The following SRGAP1 variants were observed in gnomAD, a reference collection of about 807,000 sequenced individuals.
SRGAP1 encodes SLIT-ROBO Rho GTPase activating protein 1.
In SRGAP1, 43 loss-of-function variants were observed where a neutral mutation model predicts 121.9. The ratio of observed to expected loss-of-function variants is 0.35; its 90% CI spans 0.28 to 0.46. SRGAP1 has a LOEUF of 0.46. SRGAP1 is among the 20% of genes least tolerant of loss of function. SRGAP1 has a pLI of 1.00. For synonymous variants in SRGAP1, 447 were observed against 485.4 expected (o/e 0.92, Z 1.04); for missense variants, 1,102 against 1,350.9 (o/e 0.82, Z 2.89).
At chr12:63,923,213 A>C (rs2031134022) in intron 1 of SRGAP1, among the ~76,000 whole-genome samples, 1 of 152,210 alleles carries the variant, frequency 6.6e-6, no homozygotes, top group African/African-American at 2.4e-5. Context: ...TTATTGCCCT[A>C]AAGTTGGATC....
Position 64,098,646 on chromosome 12 carries a change from G to A in SRGAP1, c.1813+1271G>A, listed in dbSNP as rs570190382. On this transcript the variant is annotated intron_variant, in intron 15 of 21. Transcript: ENST00000355086. The stretch of plus-strand genomic sequence containing the variant: ...GATCGTGCCACTGCACTCCAGCCTC[G>A]GTGACAGAGCAAGACTCTGTCTCAA... Among the ~76,000 whole-genome samples, 11 of 151,686 alleles carry A rather than the reference G, an allele frequency of 7.3e-5. No individual in the cohort carries two copies. In the East Asian group the frequency reaches 1.6e-3, roughly 21 times the overall value.
At chr12:63,890,371 A>C (rs1005389783) in intron 1 of SRGAP1, among the ~76,000 whole-genome samples, 1 of 152,184 alleles carries the variant, frequency 6.6e-6, no homozygotes. Flanking sequence ...TAAAGTGTCT[A>C]CTTTTCCCTC....
chr12:63,880,493 G>A (rs964782678), intron 1 of SRGAP1, among the ~76,000 whole-genome samples: 4 of 152,034 alleles, frequency 2.6e-5, no homozygotes, highest in Admixed American at 1.3e-4. Flanking sequence ...ATCGGCCTCC[G>A]AAAGTGCTGG....
Position 64,023,201 on chromosome 12 carries a change from T to A in SRGAP1, c.489+6189T>A, listed in dbSNP as rs1165635390. Among the ~76,000 whole-genome samples the A allele has an allele frequency of 2.0e-3, 174 of 87,468 alleles. 1 individual carries two copies. Among genetic ancestry groups the A allele is most frequent in the Non-Finnish European group, 2.5e-3 (119 of 47,170 alleles). 57.4% of individuals were successfully genotyped at this position (87,468 alleles called of 152,430 possible). ...TTATGATGAATATATGTTACTTTTG[T>A]ACCAAAAAAAAAAAAAAAAAAAAAA... On this transcript the variant is annotated intron_variant, in intron 4 of 21. Transcript: ENST00000355086.
chr12:64,010,390 C>G (rs1328532484), intron 3 of SRGAP1, among the ~76,000 whole-genome samples: 1 of 152,120 alleles, frequency 6.6e-6, no homozygotes, highest in Non-Finnish European at 1.5e-5. Flanking sequence ...TCCCTCCTTT[C>G]TGGGAGGTTC....
chr12:63,988,884 C>T (rs1272272789), intron 2 of SRGAP1, among the ~76,000 whole-genome samples: 2 of 152,140 alleles, frequency 1.3e-5, no homozygotes, highest in African/African-American at 2.4e-5. Context: ...AATCTCGGCT[C>T]GCTGCAACCT....
chr12:64,097,587 T>G, intron 15 of SRGAP1: 1 of 420,012 alleles, frequency 2.4e-6, no homozygotes, highest in Non-Finnish European at 4.1e-6. Context: ...CTCCTGAACA[T>G]CCTCTGGCTC....
chr12:63,922,722 T>C (rs1016148949), intron 1 of SRGAP1, among the ~76,000 whole-genome samples: 3 of 152,232 alleles, frequency 2.0e-5, no homozygotes, highest in African/African-American at 7.2e-5. Flanking sequence ...CATTGTTGCA[T>C]GGGAGGCATC....
intron 4 of SRGAP1, among the ~76,000 whole-genome samples, chr12:64,026,483 C>T (rs575994047): frequency 1.8e-4 from 27 of 148,000 alleles, no homozygotes; most frequent in Middle Eastern, 6.8e-3. Flanking sequence ...TCTTAACTCA[C>T]TGGCATAGTT....
intron 21 of SRGAP1, among the ~76,000 whole-genome samples, chr12:64,137,037 A>G (rs1224273936): frequency 6.6e-6 from 1 of 152,040 alleles, no homozygotes; most frequent in African/African-American, 2.4e-5. Context: ...GCTGAGGCGC[A>G]TGGATCACTT....
chr12:63,906,024 C>T lies in SRGAP1; in HGVS notation c.67+61141C>T, dbSNP rs114672591. On this transcript the variant is annotated intron_variant, in intron 1 of 21. Coordinates refer to ENST00000355086, the MANE Select transcript of SRGAP1 (RefSeq NM_020762.4). The stretch of plus-strand genomic sequence containing the variant: ...CATTACCCCTAAAAGTTGGCCCCCT[C>T]ATCTTTATATGCAGTTAATCCCCAA... Among the ~76,000 whole-genome samples, 18 of 152,266 alleles carry T rather than the reference C, an allele frequency of 1.2e-4. No homozygotes were observed. The East Asian group carries it at 3.1e-3, about 26-fold the overall frequency.
rs1182372782 is a variant in SRGAP1, at chr12:64,062,956, C to A, written c.841C>A (p.Leu281Ile). The A allele has an allele frequency of 3.1e-6, 5 of 1,613,922 alleles. No homozygotes were observed. The highest frequency in any genetic ancestry group is 4.2e-6 in the Non-Finnish European group (5 of 1,179,958). Residue 281 changes from leucine (L) to isoleucine (I), a missense_variant, in exon 7 of 22, where the codon CTA becomes ATA. Coordinates refer to ENST00000355086, the MANE Select transcript of SRGAP1 (RefSeq NM_020762.4). ...CTACCATGCAAGTCTGAACAGAGCC[C>A]TAAGAACATATCTGTCTGCGGAGTA... ...LGYHASLNRA[L>I]RTYLSAEYNL...
intron 4 of SRGAP1, among the ~76,000 whole-genome samples, chr12:64,040,486 C>G (rs546767121): frequency 6.6e-5 from 10 of 152,084 alleles, no homozygotes; most frequent in African/African-American, 2.2e-4. Context: ...GTGTGCTCCT[C>G]GATACATCCT....
chr12:63,852,249 G>A (rs948391251), intron 1 of SRGAP1, among the ~76,000 whole-genome samples: 2 of 152,154 alleles, frequency 1.3e-5, no homozygotes, highest in African/African-American at 4.8e-5. Flanking sequence ...TGAGCCTTGG[G>A]CCTCCCAAAG....
chr12:63,894,761 G>T, intron 1 of SRGAP1, among the ~76,000 whole-genome samples: 1 of 152,102 alleles, frequency 6.6e-6, no homozygotes, highest in South Asian at 2.1e-4. Context: ...TGAGAATGAT[G>T]GTTTCCAGCT....
rs1262253128 is a variant in SRGAP1 at position 64,043,507 on chromosome 12, C to T, written c.733C>T (p.Leu245=). The T allele has an allele frequency of 2.5e-6, 4 of 1,612,550 alleles. No individual in the cohort carries two copies. The East Asian group carries it at 8.9e-5, about 36-fold the overall frequency. ...AATTAAGGCACGGAACGAATATCTC[C>T]TAACACTTGAAGCCACCAATGCCTC... ...KSIKARNEYL[L]TLEATNASVF... Residue 245 remains leucine (L), a synonymous_variant, in exon 6 of 22, where the codon CTA becomes TTA. Transcript: ENST00000355086.
At chr12:64,124,671 C>G (rs905873344) in intron 18 of SRGAP1, among the ~76,000 whole-genome samples, 4 of 152,150 alleles carry the variant, frequency 2.6e-5, no homozygotes, top group African/African-American at 4.8e-5. Context: ...AAAGAAACAC[C>G]TCTTTGGTTG....
chr12:64,012,350 C>T (rs1207034373), intron 3 of SRGAP1, among the ~76,000 whole-genome samples: 1 of 152,010 alleles, frequency 6.6e-6, no homozygotes, highest in Admixed American at 6.6e-5. Flanking sequence ...GTCAGGATCC[C>T]AGAATCCTAA....
At chr12:63,918,433 T>C (rs2030890487) in intron 1 of SRGAP1, among the ~76,000 whole-genome samples, 2 of 152,154 alleles carry the variant, frequency 1.3e-5, no homozygotes, top group African/African-American at 4.8e-5. Flanking sequence ...TCTCTCTTTT[T>C]TTAAGACAAG....
Sources: allele counts gnomAD v4.1 joint callset (sites outside exome capture counted in the v4.1 genomes callset), GRCh38; gene constraint gnomAD v4.1.1; transcripts MANE v1.5; gene names NCBI Gene and HGNC (gene_info 2026-07-23, HGNC 2026-07-21).